Variants in ZNF596 observed in about 807,000 individuals in gnomAD.
ZNF596 encodes zinc finger protein 596.
In ZNF596, 45 loss-of-function variants were observed where a neutral mutation model predicts 48.3. That is an observed-to-expected ratio of 0.93 (90% CI 0.73 to 1.19). The LOEUF is 1.19. Ranked by LOEUF, ZNF596 falls within the 50% of genes most tolerant of loss-of-function variation. ZNF596 has a pLI of 0.00. For missense variants in ZNF596, 848 were observed against 599.7 expected (o/e 1.41, Z -4.32); for synonymous variants, 270 against 202.0 (o/e 1.34, Z -2.85).
In ZNF596 at chr8:246,007, G is replaced by C. The variant is rs755229489; in HGVS notation, c.1160G>C (p.Gly387Ala). The C allele has an allele frequency of 2.7e-5, 44 of 1,613,958 alleles. No individual in the cohort carries two copies. Among genetic ancestry groups the C allele is most frequent in the Non-Finnish European group, 3.6e-5 (43 of 1,180,028 alleles). ...VLKRHERIHT[G>A]EKPYECHVCG... The stretch of plus-strand genomic sequence containing the variant: ...AAACGACATGAGAGAATTCACACTG[G>C]AGAGAAACCATATGAGTGCCATGTA... The change falls in exon 6 of 6, where the codon GGA becomes GCA. Residue 387 changes from glycine (G) to alanine (A), a missense_variant. Gly to Ala is a moderately conservative substitution (Grantham distance 60). Transcript: ENST00000398612.
chr8:247,230 T>C lies in ZNF596; in HGVS notation c.*868T>C, dbSNP rs1223069229. ...AAAAATTATAATTTTGAATAAAGAC[T>C]TTCTACTTAAAATATGTGGGTTGAA... On this transcript the variant is annotated 3_prime_UTR_variant, in exon 6 of 6. Transcript: ENST00000398612. 2 of 152,174 alleles carry C rather than the reference T, an allele frequency of 1.3e-5. No homozygotes were observed. The highest frequency in any genetic ancestry group is 2.4e-5 in the African/African-American group (1 of 41,434). The allele number at this position is 152,174 out of a possible 1,614,324, so 9.4% of individuals were successfully genotyped here.
chr8:234,541 G>C (rs1009124129), intron 1 of ZNF596: 8 of 152,208 alleles, frequency 5.3e-5, no homozygotes, highest in Admixed American at 4.6e-4. Flanking sequence ...TCTTCCCTAA[G>C]AAAGAAGCTC....
chr8:236,997 C>T (rs116708566), intron 1 of ZNF596: 1 of 152,152 alleles, frequency 6.6e-6, no homozygotes, highest in Non-Finnish European at 1.5e-5. Context: ...TGTAAGAACT[C>T]TCACAAATCA....
At chr8:244,519 C>A in intron 4 of ZNF596, 100 bp from the exon 5 acceptor site, 2 of 760,758 alleles carry the variant, frequency 2.6e-6, no homozygotes, top group Non-Finnish European at 4.5e-6. Context: ...CTTTCCCTGT[C>A]TGTGTGTATT....
In ZNF596 at chr8:246,130, T is replaced by C. The variant is rs1797076138; in HGVS notation, c.1283T>C (p.Phe428Ser). The part of the protein sequence containing the change: ...PYECHLCGKA[F>S]NHSSVLRRHE... ...GAATGCCATCTATGCGGAAAAGCCT[T>C]CAATCACTCTTCTGTCCTTAGACGA... The change falls in exon 6 of 6, where the codon TTC becomes TCC. Residue 428 changes from phenylalanine (F) to serine (S), a missense_variant. Coordinates refer to ENST00000398612, the MANE Select transcript of ZNF596 (RefSeq NM_001042416.3). The C allele has an allele frequency of 6.2e-7, 1 of 1,613,516 alleles. No homozygotes were observed. Among genetic ancestry groups the C allele is most frequent in the Admixed American group, 1.7e-5 (1 of 60,016 alleles).
chr8:245,459 T>G lies in ZNF596; in HGVS notation c.612T>G (p.Phe204Leu), dbSNP rs1584915512. Residue 204 changes from phenylalanine to leucine, a missense_variant, in exon 6 of 6, where the codon TTT becomes TTG. By Grantham distance (22) the Phe-to-Leu change is conservative. Transcript: ENST00000398612. ...AATGTCGTGTGTGTGGGAAAACCTTTAGCAAAAATTCTAATCTTAGGCGAC... is the reference window on the plus strand; with the variant it reads ...AATGTCGTGTGTGTGGGAAAACCTTGAGCAAAAATTCTAATCTTAGGCGAC... ...TLECRVCGKT[F>L]SKNSNLRRHE... 3.7e-6 allele frequency: 6 copies of G among 1,614,176 alleles called. No homozygotes were observed. Among genetic ancestry groups the G allele is most frequent in the Non-Finnish European group, 5.1e-6 (6 of 1,180,022 alleles).
In ZNF596 at chr8:246,840, A is replaced by G. The variant is rs1797109899; in HGVS notation, c.*478A>G. The stretch of plus-strand genomic sequence containing the variant: ...CTGATAAAAACAGGAAATATGTGAA[A>G]ATATTTTTTATTAGGTGGATGAGGC... On this transcript the variant is annotated 3_prime_UTR_variant, in exon 6 of 6. Transcript: ENST00000398612. The G allele has an allele frequency of 6.5e-6, 1 of 154,794 alleles. No individual in the cohort carries two copies. Among genetic ancestry groups the G allele is most frequent in the Non-Finnish European group, 1.4e-5 (1 of 69,826 alleles). The allele number at this position is 154,794 out of a possible 1,614,324, so 9.6% of individuals were successfully genotyped here. A position where few individuals can be genotyped will look rare whatever the true frequency, so the allele number is the denominator to read the frequency against.
At chr8:238,651 A>G (rs1796720929) in intron 1 of ZNF596, among the ~76,000 whole-genome samples, 1 of 141,172 alleles carries the variant, frequency 7.1e-6, no homozygotes, top group Non-Finnish European at 1.5e-5. Flanking sequence ...AAAAAAAAAA[A>G]AAAAAATTAG....
rs1180060221 is a variant in ZNF596 at position 246,951 on chromosome 8, C to G, written c.*589C>G. On this transcript the variant is annotated 3_prime_UTR_variant, in exon 6 of 6. Coordinates refer to ENST00000398612, the MANE Select transcript of ZNF596 (RefSeq NM_001042416.3). ...TCCTTTTCTTAATACAGCAGCACTT[C>G]TATAATAGATCAGAATTCACATGGT... 6.5e-6 allele frequency: 1 copy of G among 153,058 alleles called. No homozygotes were observed. The highest frequency in any genetic ancestry group is 1.9e-4 in the East Asian group (1 of 5,208). 9.5% of individuals were successfully genotyped at this position (153,058 alleles called of 1,614,324 possible). A position where few individuals can be genotyped will look rare whatever the true frequency, so the allele number is the denominator to read the frequency against.
rs769685784 is a variant in ZNF596, at chr8:245,707, C to G, written c.860C>G (p.Ala287Gly). 2 of 1,614,114 alleles carry G rather than the reference C, an allele frequency of 1.2e-6. No homozygotes were observed. Among genetic ancestry groups the G allele is most frequent in the Non-Finnish European group, 1.7e-6 (2 of 1,180,022 alleles). Residue 287 changes from alanine (A) to glycine (G), a missense_variant, in exon 6 of 6, where the codon GCC becomes GGC. By Grantham distance (60) the Ala-to-Gly change is moderately conservative (BLOSUM62 0). Coordinates refer to ENST00000398612, the MANE Select transcript of ZNF596 (RefSeq NM_001042416.3). The part of the protein sequence containing the change: ...KAQICHLCGK[A>G]FTHCSDLRKH... The stretch of plus-strand genomic sequence containing the variant: ...CAGATATGCCATCTATGTGGGAAAG[C>G]CTTCACTCATTGCTCTGACCTTAGA...
chr8:245,629 G>C lies in ZNF596; in HGVS notation c.782G>C (p.Ser261Thr). ...TGTCATCTATGTGGGAAAGCCTTCA[G>C]TAAAAGTTCTAACCTTAGACGACAT... is the stretch of plus-strand genomic sequence containing the variant. ...YGCHLCGKAF[S>T]KSSNLRRHEM... Residue 261 changes from serine to threonine, a missense_variant, in exon 6 of 6, where the codon AGT becomes ACT. Transcript: ENST00000398612. The C allele has an allele frequency of 6.2e-7, 1 of 1,612,642 alleles. No homozygotes were observed. The highest frequency in any genetic ancestry group is 8.5e-7 in the Non-Finnish European group (1 of 1,179,606).
chr8:241,401 C>A (rs887220389), intron 2 of ZNF596, among the ~76,000 whole-genome samples: 3 of 152,060 alleles, frequency 2.0e-5, no homozygotes, highest in African/African-American at 7.2e-5. Flanking sequence ...ACAGAGGAGA[C>A]AATGAGGAAT....
In ZNF596 at chr8:246,464, C is replaced by T. The variant is rs1189671664; in HGVS notation, c.*102C>T. On this transcript the variant is annotated 3_prime_UTR_variant, in exon 6 of 6. Coordinates refer to ENST00000398612, the MANE Select transcript of ZNF596 (RefSeq NM_001042416.3). ...GTGGAAAAGCCTTTATTTATATTTA[C>T]CACTTTGCTCAACCTAAATGAATTC... 7.0e-7 allele frequency: 1 copy of T among 1,424,768 alleles called. No individual in the cohort carries two copies. Among genetic ancestry groups the T allele is most frequent in the Non-Finnish European group, 9.4e-7 (1 of 1,068,394 alleles). 88.3% of individuals were successfully genotyped at this position (1,424,768 alleles called of 1,614,324 possible).
intron 1 of ZNF596, among the ~76,000 whole-genome samples, chr8:239,576 T>TA (rs1420680957): frequency 1.3e-5 from 2 of 152,186 alleles, no homozygotes; most frequent in Non-Finnish European, 2.9e-5. Context: ...GCTGATTTAT[T>TA]ACAAAGGACA....
At position 245,667 on chromosome 8, in the gene ZNF596, A is replaced by G; in HGVS notation, c.820A>G (p.Thr274Ala). Reference protein sequence around the residue: ...SNLRRHEMIHTREKAQICHLC... With the variant: ...SNLRRHEMIHAREKAQICHLC... The stretch of plus-strand genomic sequence containing the variant: ...CCTTAGACGACATGAGATGATTCAC[A>G]CTAGAGAAAAAGCACAGATATGCCA... Residue 274 changes from threonine (T) to alanine (A), a missense_variant, in exon 6 of 6, where the codon ACT (threonine) becomes GCT (alanine). By Grantham distance (58) the Thr-to-Ala change is moderately conservative. Transcript: ENST00000398612. 6.2e-7 allele frequency: 1 copy of G among 1,614,084 alleles called. No homozygotes were observed. Among genetic ancestry groups the G allele is most frequent in the Non-Finnish European group, 8.5e-7 (1 of 1,180,006 alleles).
rs755504354 is a variant in ZNF596 at position 247,068 on chromosome 8, C to G, written c.*706C>G. The G allele has an allele frequency of 1.3e-5, 2 of 152,126 alleles. No individual in the cohort carries two copies. Among genetic ancestry groups the G allele is most frequent in the Non-Finnish European group, 2.9e-5 (2 of 68,026 alleles). The allele number at this position is 152,126 out of a possible 1,614,324, so 9.4% of individuals were successfully genotyped here. On this transcript the variant is annotated 3_prime_UTR_variant, in exon 6 of 6. Coordinates refer to ENST00000398612, the MANE Select transcript of ZNF596 (RefSeq NM_001042416.3). Reference sequence around the variant, plus strand: ...AGCATTTTTCCAGTGAGAAAACTATCTTGACAGGATAGTGGAAAAACCTTC... The same window carrying G: ...AGCATTTTTCCAGTGAGAAAACTATGTTGACAGGATAGTGGAAAAACCTTC...
intron 2 of ZNF596, among the ~76,000 whole-genome samples, chr8:242,638 T>C (rs982694062): frequency 9.9e-5 from 15 of 152,140 alleles, no homozygotes; most frequent in African/African-American, 2.9e-4. Context: ...AGAAGTCTAT[T>C]GGGAAATCTT....
rs1797092720 is a variant in ZNF596, at chr8:246,395, A to T, written c.*33A>T. 6.5e-7 allele frequency: 1 copy of T among 1,534,738 alleles called. No individual in the cohort carries two copies. The highest frequency in any genetic ancestry group is 1.4e-5 in the African/African-American group (1 of 71,972). On this transcript the variant is annotated 3_prime_UTR_variant, in exon 6 of 6. Coordinates refer to ENST00000398612, the MANE Select transcript of ZNF596 (RefSeq NM_001042416.3). The stretch of plus-strand genomic sequence containing the variant: ...CAGCTGTAGCGTTAACACTAAATAC[A>T]CCAAGGACAAACATACTACAGGAAT...
intron 1 of ZNF596, chr8:233,769 A>G (rs1283373266): frequency 5.9e-5 from 9 of 152,210 alleles, no homozygotes. Context: ...TGATGACTTA[A>G]TGTGATGTTC....
Sources: gnomAD v4.1 joint callset for allele counts (sites outside exome capture counted in the v4.1 genomes callset) on GRCh38, gnomAD v4.1.1 for gene constraint, MANE v1.5 for transcripts, NCBI Gene and HGNC (gene_info 2026-07-23, HGNC 2026-07-21) for gene names.